Variants in ZNF618 observed in about 807,000 individuals in gnomAD.
The protein encoded by ZNF618 is zinc finger protein 618.
In ZNF618, 34 loss-of-function variants were observed where a neutral mutation model predicts 103.0. The observed-to-expected ratio is 0.33, with a 90% CI of 0.25 to 0.44. The LOEUF (loss-of-function observed/expected upper bound fraction) is 0.44. ZNF618 is among the 20% of genes least tolerant of loss of function. The pLI is 1.00. For synonymous variants in ZNF618, 551 were observed against 542.2 expected (o/e 1.02, Z -0.23); for missense variants, 1,059 against 1,295.4 (o/e 0.82, Z 2.80).
At chr9:113,959,467 A>T (rs1324068567) in intron 1 of ZNF618, among the ~76,000 whole-genome samples, 1 of 152,180 alleles carries the variant, frequency 6.6e-6, no homozygotes, top group Non-Finnish European at 1.5e-5. Flanking sequence ...TCATGTGCAG[A>T]CTGAGGGCCC....
At chr9:113,913,173 T>G (rs1831717750) in intron 1 of ZNF618, among the ~76,000 whole-genome samples, 1 of 152,062 alleles carries the variant, frequency 6.6e-6, no homozygotes, top group Non-Finnish European at 1.5e-5. Flanking sequence ...GAAGGGAAGC[T>G]GCCCCTAGAA....
At chr9:113,878,166 A>T (rs140006898) in intron 1 of ZNF618, among the ~76,000 whole-genome samples, 1 of 119,270 alleles carries the variant, frequency 8.4e-6, no homozygotes, top group Non-Finnish European at 1.7e-5. Flanking sequence ...AGCCTTGATC[A>T]TTTTGGGGGG....
intron 1 of ZNF618, among the ~76,000 whole-genome samples, chr9:113,915,500 A>G (rs569519822): frequency 6.6e-6 from 1 of 152,266 alleles, no homozygotes; most frequent in South Asian, 2.1e-4. Flanking sequence ...GCTTGTGGGT[A>G]GTTAATGCTG....
rs1335092505 is a variant in ZNF618 at position 114,053,338 on chromosome 9, A to G, written c.*3171A>G. On this transcript the variant is annotated 3_prime_UTR_variant, in exon 15 of 15. Transcript: ENST00000374126. The stretch of plus-strand genomic sequence containing the variant: ...GGAAGGATTTTGTCGTCTGCCTCCC[A>G]GTTCTGGGTCCACTGTAGGTCTTTC... 3 of 152,258 alleles carry G rather than the reference A, an allele frequency of 2.0e-5. No individual in the cohort carries two copies. The highest frequency in any genetic ancestry group is 4.4e-5 in the Non-Finnish European group (3 of 68,084). 9.4% of individuals were successfully genotyped at this position (152,258 alleles called of 1,614,324 possible).
At chr9:114,027,243 T>C (rs1843592333) in intron 10 of ZNF618, among the ~76,000 whole-genome samples, 1 of 152,186 alleles carries the variant, frequency 6.6e-6, no homozygotes, top group Admixed American at 6.5e-5. Flanking sequence ...CCAAGACTTC[T>C]CAGTTCCTGA....
At chr9:113,971,936 G>T (rs1838011498) in intron 2 of ZNF618, among the ~76,000 whole-genome samples, 1 of 152,158 alleles carries the variant, frequency 6.6e-6, no homozygotes, top group Non-Finnish European at 1.5e-5. Flanking sequence ...CCCAAACCTG[G>T]GGTTGTGTGT....
chr9:113,893,254 A>G (rs1829766980), intron 1 of ZNF618, among the ~76,000 whole-genome samples: 1 of 152,216 alleles, frequency 6.6e-6, no homozygotes, highest in Non-Finnish European at 1.5e-5. Context: ...AGTCCTGTTC[A>G]AAACATGCTA....
At chr9:113,988,215 A>G (rs1038210757) in intron 2 of ZNF618, 106 bp from the exon 3 acceptor site, 12 of 1,428,148 alleles carry the variant, frequency 8.4e-6, no homozygotes, top group Non-Finnish European at 1.1e-5. Flanking sequence ...GGGCCCTAGA[A>G]TTCACTATGC....
intron 4 of ZNF618, among the ~76,000 whole-genome samples, chr9:114,001,049 A>G (rs543600999): frequency 1.3e-5 from 2 of 152,296 alleles, no homozygotes; most frequent in Non-Finnish European, 2.9e-5. Context: ...GCCTGGGCCC[A>G]GGTGGCATCA....
chr9:114,009,834 C>G (rs1842079143), intron 9 of ZNF618, among the ~76,000 whole-genome samples: 1 of 152,136 alleles, frequency 6.6e-6, no homozygotes, highest in Non-Finnish European at 1.5e-5. Flanking sequence ...TCCCCCTCCC[C>G]CAAATGCTTT....
At chr9:114,011,622 GA>G (rs1842256476) in intron 9 of ZNF618, among the ~76,000 whole-genome samples, 1 of 152,196 alleles carries the variant, frequency 6.6e-6, no homozygotes, top group Admixed American at 6.5e-5. Context: ...CGCGAAAAAC[GA>G]TTAGCCAGTA....
chr9:113,939,064 T>C (rs1486675723), intron 1 of ZNF618, among the ~76,000 whole-genome samples: 3 of 152,092 alleles, frequency 2.0e-5, no homozygotes, highest in African/African-American at 7.2e-5. Context: ...CCTCCCAATA[T>C]TTATGCTTCT....
intron 12 of ZNF618, among the ~76,000 whole-genome samples, chr9:114,033,294 G>C (rs779564554): frequency 2.0e-5 from 3 of 152,014 alleles, no homozygotes; most frequent in Non-Finnish European, 4.4e-5. Context: ...GCTGAGGCAG[G>C]AGAATCACTT....
intron 2 of ZNF618, among the ~76,000 whole-genome samples, chr9:113,987,810 C>T (rs1014586876): frequency 1.2e-4 from 19 of 152,152 alleles, no homozygotes; most frequent in Admixed American, 6.5e-5. Context: ...TCTGCCTGCG[C>T]AACATAGTGA....
At chr9:114,003,093 T>A (rs1417972507) in intron 6 of ZNF618, among the ~76,000 whole-genome samples, 4 of 152,232 alleles carry the variant, frequency 2.6e-5, no homozygotes, top group Non-Finnish European at 5.9e-5. Context: ...AGTTGACTTT[T>A]GGGAAATGCT....
At chr9:113,940,211 G>T (rs1834422998) in intron 1 of ZNF618, among the ~76,000 whole-genome samples, 1 of 151,350 alleles carries the variant, frequency 6.6e-6, no homozygotes. Context: ...TTATTGCTTT[G>T]TGGTCAGGGA....
chr9:113,953,542 A>G (rs1481158472), intron 1 of ZNF618, among the ~76,000 whole-genome samples: 2 of 152,210 alleles, frequency 1.3e-5, no homozygotes, highest in Admixed American at 1.3e-4. Context: ...AAAGTTATAT[A>G]TAGAGAGTTT....
At chr9:113,987,796 G>A (rs1839628225) in intron 2 of ZNF618, among the ~76,000 whole-genome samples, 1 of 152,188 alleles carries the variant, frequency 6.6e-6, no homozygotes, top group Non-Finnish European at 1.5e-5. Context: ...GAGTTTGTTT[G>A]TGTTCTGCCT....
At chr9:113,981,919 C>T (rs1839012506) in intron 2 of ZNF618, among the ~76,000 whole-genome samples, 2 of 152,170 alleles carry the variant, frequency 1.3e-5, no homozygotes, top group African/African-American at 4.8e-5. Context: ...GCCTTGGTTT[C>T]CCCATCTGGC....
Sources: gnomAD v4.1 joint callset for allele counts (sites outside exome capture counted in the v4.1 genomes callset) on GRCh38, gnomAD v4.1.1 for gene constraint, MANE v1.5 for transcripts, NCBI Gene and HGNC (gene_info 2026-07-23, HGNC 2026-07-21) for gene names.